ZC3H7B: variants seen among roughly 807,000 people sequenced by gnomAD.
ZC3H7B encodes the protein zinc finger CCCH domain-containing protein 7B.
Under a neutral mutation model 116.0 loss-of-function variants are expected in ZC3H7B, and 35 were observed. The ratio of observed to expected loss-of-function variants is 0.30; its 90% CI spans 0.23 to 0.40. ZC3H7B has a LOEUF of 0.40. ZC3H7B is among the 10% of genes least tolerant of loss of function. The pLI, the probability that ZC3H7B is intolerant of heterozygous loss-of-function variation, is 1.00. For synonymous variants in ZC3H7B, 502 were observed against 545.6 expected (o/e 0.92, Z 1.11); for missense variants, 1,011 against 1,321.5 (o/e 0.77, Z 3.64).
In ZC3H7B at chr22:41,327,300, A is replaced by G. The variant is rs553235972; in HGVS notation, c.380A>G (p.Asn127Ser). 9 of 1,613,878 alleles carry G rather than the reference A, an allele frequency of 5.6e-6. No individual in the cohort carries two copies. The Admixed American group carries it at 8.3e-5, about 15-fold the overall frequency. The change falls in exon 5 of 23, where the codon AAT (asparagine) becomes AGT (serine). Residue 127 changes from asparagine to serine, a missense_variant. Transcript: ENST00000352645. This position sits in a 1 kb window ranked among gnomAD's most constrained non-coding sequence, Gnocchi z 4.5. ...TTGTTCCGCAAGGCACGCGCTCTCA[A>G]TGAACTGGGACGCCACAAGGAGGCC... ...RALFRKARAL[N>S]ELGRHKEAYE...
At chr22:41,325,538 G>A (rs2036306683) in intron 2 of ZC3H7B, 26 bp from the exon 3 acceptor site, 1 of 1,604,052 alleles carries the variant, frequency 6.2e-7, no homozygotes, top group Non-Finnish European at 8.5e-7. Context: ...GGCTCACCCA[G>A]GCCTCGTGTT....
Position 41,327,410 on chromosome 22 carries a change from G to A in ZC3H7B, c.444+46G>A. On this transcript the variant is annotated intron_variant, in intron 5 of 22. Transcript: ENST00000352645. The surrounding 1 kb of genome is among the most constrained non-coding windows in gnomAD (Gnocchi z 4.5). The stretch of plus-strand genomic sequence containing the variant: ...ACGCCGGTGCCTGCTCAGAGGCCAG[G>A]CTTCTGACCTTCCGGCCCTCACTTG... 1 of 1,591,712 alleles carries A rather than the reference G, an allele frequency of 6.3e-7. No individual in the cohort carries two copies. Among genetic ancestry groups the A allele is most frequent in the South Asian group, 1.1e-5 (1 of 90,510 alleles).
rs2145916843 is a variant in ZC3H7B, at chr22:41,327,399, T to C, written c.444+35T>C. ...GCTCTGCAGCCACGCCGGTGCCTGCTCAGAGGCCAGGCTTCTGACCTTCCG... is the reference window on the plus strand; with the variant it reads ...GCTCTGCAGCCACGCCGGTGCCTGCCCAGAGGCCAGGCTTCTGACCTTCCG... On this transcript the variant is annotated intron_variant, in intron 5 of 22. Transcript: ENST00000352645. The surrounding 1 kb of genome is among the most constrained non-coding windows in gnomAD (Gnocchi z 4.5). 3 of 1,599,706 alleles carry C rather than the reference T, an allele frequency of 1.9e-6. No individual in the cohort carries two copies. The highest frequency in any genetic ancestry group is 2.5e-6 in the Non-Finnish European group (3 of 1,177,302).
intron 17 of ZC3H7B, 112 bp from the exon 18 acceptor site, chr22:41,355,357 G>A: frequency 6.9e-7 from 1 of 1,456,644 alleles, no homozygotes; most frequent in Admixed American, 2.1e-5. Context: ...GGAAGACCTG[G>A]GAGCAGACCA....
chr22:41,329,689 C>T (rs1298830789), intron 5 of ZC3H7B, among the ~76,000 whole-genome samples: 1 of 152,246 alleles, frequency 6.6e-6, no homozygotes, highest in Non-Finnish European at 1.5e-5. Flanking sequence ...CCAGGGAGCA[C>T]TTGCTGTCCC....
chr22:41,327,192 C>T lies in ZC3H7B; in HGVS notation c.286-14C>T, dbSNP rs1490262993. 3 of 1,613,038 alleles carry T rather than the reference C, an allele frequency of 1.9e-6. No homozygotes were observed. The highest frequency in any genetic ancestry group is 1.1e-5 in the South Asian group (1 of 91,072). On this transcript the variant is annotated splice_polypyrimidine_tract_variant and intron_variant, in intron 4 of 22. Coordinates refer to ENST00000352645, the MANE Select transcript of ZC3H7B (RefSeq NM_017590.6). The surrounding 1 kb of genome is among the most constrained non-coding windows in gnomAD (Gnocchi z 4.5). ...ACAGGTGTTGACCAGTGACCACATGCTCCTCTCTGGCAGGGCCTGTATGAG... is the reference window on the plus strand; with the variant it reads ...ACAGGTGTTGACCAGTGACCACATGTTCCTCTCTGGCAGGGCCTGTATGAG...
Position 41,355,749 on chromosome 22 carries a change from T to C in ZC3H7B, c.2169-8T>C. On this transcript the variant is annotated splice_polypyrimidine_tract_variant and splice_region_variant and intron_variant, in intron 18 of 22. Coordinates refer to ENST00000352645, the MANE Select transcript of ZC3H7B (RefSeq NM_017590.6). ...CTGACCTCTCCCCAACCCTGCTCTG[T>C]CCTGCAGCTGGACCAAGGAGCGGCG... is the stretch of plus-strand genomic sequence containing the variant. 6.2e-7 allele frequency: 1 copy of C among 1,613,910 alleles called. No homozygotes were observed. Among genetic ancestry groups the C allele is most frequent in the South Asian group, 1.1e-5 (1 of 91,080 alleles).
chr22:41,320,511 C>T (rs939958925), intron 1 of ZC3H7B, 144 bp from the exon 2 acceptor site: 33 of 895,744 alleles, frequency 3.7e-5, no homozygotes, highest in Non-Finnish European at 5.2e-5. Flanking sequence ...GGGTGGTCAT[C>T]GCCCTCAGGG....
At position 41,330,084 on chromosome 22, in the gene ZC3H7B, A is replaced by C. The variant is rs772738061; in HGVS notation, c.506A>C (p.Lys169Thr). 1.4e-5 allele frequency: 23 copies of C among 1,613,826 alleles called. No individual in the cohort carries two copies. The highest frequency in any genetic ancestry group is 2.5e-6 in the Non-Finnish European group (3 of 1,179,982). ...CAGAAACTGGGGCTGCGAGTTCGCA[A>C]GGCGTATAAGAGGCCCCAGGTAGGT... is the stretch of plus-strand genomic sequence containing the variant. ...LAQKLGLRVR[K>T]AYKRPQELET... is the part of the protein sequence containing the mutation. Residue 169 changes from lysine to threonine, a missense_variant, in exon 6 of 23, where the codon AAG (lysine) becomes ACG (threonine). By Grantham distance (78) the Lys-to-Thr change is moderately conservative. Around this residue, in one of 5 missense-constraint regions of ZC3H7B, gnomAD observed 322 missense variants for 443.9 expected, o/e 0.73. Transcript: ENST00000352645.
chr22:41,317,480 C>T (rs374959624), intron 1 of ZC3H7B, among the ~76,000 whole-genome samples: 121 of 152,144 alleles, frequency 8.0e-4, no homozygotes, highest in Middle Eastern at 3.4e-3. Flanking sequence ...ACGTCCAGGC[C>T]GTAACACCCT....
intron 16 of ZC3H7B, among the ~76,000 whole-genome samples, chr22:41,350,062 G>A (rs1202203621): frequency 6.6e-6 from 1 of 152,190 alleles, no homozygotes; most frequent in African/African-American, 2.4e-5. Context: ...CCGAGCAATG[G>A]GACAGAGACA....
intron 1 of ZC3H7B, among the ~76,000 whole-genome samples, chr22:41,305,029 T>C (rs2036021289): frequency 1.3e-5 from 2 of 152,086 alleles, no homozygotes; most frequent in Non-Finnish European, 2.9e-5. Context: ...CCTGGCAACA[T>C]GGTGAAACCC....
At chr22:41,314,335 T>G (rs2036154407) in intron 1 of ZC3H7B, among the ~76,000 whole-genome samples, 1 of 151,358 alleles carries the variant, frequency 6.6e-6, no homozygotes, top group Non-Finnish European at 1.5e-5. Context: ...TTTTGTATTT[T>G]TAGTAGAGAT....
chr22:41,320,905 C>T (rs978652828), intron 2 of ZC3H7B, among the ~76,000 whole-genome samples, 192 bp downstream of exon 2: 1 of 152,184 alleles, frequency 6.6e-6, no homozygotes. Context: ...TCCACATGCA[C>T]ACATGCTCCC....
intron 1 of ZC3H7B, among the ~76,000 whole-genome samples, chr22:41,314,814 T>A (rs1601765213): frequency 6.8e-6 from 1 of 146,920 alleles, no homozygotes; most frequent in Non-Finnish European, 1.5e-5. Flanking sequence ...TTCACTATAT[T>A]GGCTAGGCTG....
chr22:41,313,999 C>T (rs1449696914), intron 1 of ZC3H7B, among the ~76,000 whole-genome samples: 1 of 151,648 alleles, frequency 6.6e-6, no homozygotes, highest in East Asian at 1.9e-4. Flanking sequence ...AGGAGATCTG[C>T]CCGCCTCAGC....
chr22:41,325,260 C>T (rs541066597), intron 2 of ZC3H7B, among the ~76,000 whole-genome samples: 1 of 151,864 alleles, frequency 6.6e-6, no homozygotes, highest in African/African-American at 2.4e-5. Flanking sequence ...GGGGCTGGAG[C>T]TGGGGCTGTG....
Position 41,346,984 on chromosome 22 carries a change from A to AG in ZC3H7B, c.1665+776_1665+777insG, listed in dbSNP as rs57686857. On this transcript the variant is annotated intron_variant, in intron 14 of 22. Transcript: ENST00000352645. This position sits in a 1 kb window ranked among gnomAD's most constrained non-coding sequence, Gnocchi z 5.3. ...CCTATTCCAAAAAAAAAAAAAAAAA[A>AG]ATGTCATTTCCATCGTCACGGCAGT... Among the ~76,000 whole-genome samples, 13,225 of 148,638 alleles carry AG rather than the reference A, an allele frequency of 0.089. 1,941 individuals are homozygous for AG. Among genetic ancestry groups the AG allele is most frequent in the East Asian group, 0.44 (2,223 of 5,016 alleles).
intron 15 of ZC3H7B, among the ~76,000 whole-genome samples, 196 bp from the exon 16 acceptor site, chr22:41,348,924 G>A (rs1198428942): frequency 6.6e-6 from 1 of 152,082 alleles, no homozygotes; most frequent in Non-Finnish European, 1.5e-5. Flanking sequence ...GTAAAGCAGC[G>A]CTGGGACCCA....
Sources: gnomAD v4.1 joint callset for allele counts (sites outside exome capture counted in the v4.1 genomes callset) on GRCh38, gnomAD v4.1.1 for gene constraint, gnomAD v4.1.1 regional missense constraint, Gnocchi (gnomAD v3.1) non-coding constraint, MANE v1.5 for transcripts, NCBI Gene and HGNC (gene_info 2026-07-23, HGNC 2026-07-21) for gene names.